The following WDR41 variants were observed in gnomAD, a reference collection of about 807,000 sequenced individuals.
WDR41 encodes the protein WD repeat domain 41, also known as WD repeat-containing protein 41.
WDR41 carries 63 observed loss-of-function variants against 69.3 expected under a neutral mutation model. That is an observed-to-expected ratio of 0.91 (90% CI 0.74 to 1.12). The LOEUF (loss-of-function observed/expected upper bound fraction) is 1.12. Among genes scored for constraint, WDR41 ranks in the 50% most tolerant of loss-of-function variants. The pLI is 0.00. For missense variants in WDR41, 543 were observed against 534.5 expected, an observed-to-expected ratio of 1.02 and a Z score of -0.16; for synonymous variants, 185 against 192.1, an observed-to-expected ratio of 0.96 and a Z score of 0.31.
intron 4 of WDR41, among the ~76,000 whole-genome samples, chr5:77,460,112 G>T (rs1302319018): frequency 6.6e-6 from 1 of 152,204 alleles, no homozygotes; most frequent in Admixed American, 6.5e-5. Flanking sequence ...CCAGGCTGCT[G>T]CTGCCCAGCA....
intron 1 of WDR41, among the ~76,000 whole-genome samples, chr5:77,531,220 C>T (rs1802525065): frequency 1.3e-5 from 2 of 151,836 alleles, no homozygotes; most frequent in African/African-American, 4.8e-5. Context: ...AAAAAGACAA[C>T]ATACAGAATG....
intron 2 of WDR41, among the ~76,000 whole-genome samples, chr5:77,475,314 C>T (rs1800856008): frequency 6.6e-6 from 1 of 152,238 alleles, no homozygotes; most frequent in African/African-American, 2.4e-5. Flanking sequence ...TGGAGCCCAC[C>T]ACAGCTCAAG....
intron 1 of WDR41, among the ~76,000 whole-genome samples, chr5:77,513,039 T>C (rs1320496315): frequency 6.6e-6 from 1 of 152,160 alleles, no homozygotes; most frequent in Admixed American, 6.5e-5. Context: ...TAATTTAAAT[T>C]ATTATGATTT....
At chr5:77,439,287 C>T (rs1008972241) in intron 9 of WDR41, among the ~76,000 whole-genome samples, 6 of 152,216 alleles carry the variant, frequency 3.9e-5, no homozygotes, top group African/African-American at 1.4e-4. Flanking sequence ...ACCTTTCTCA[C>T]ACAGCCTCCA....
At position 77,550,545 on chromosome 5, in the gene WDR41, A is replaced by C. The variant is rs1194890782; in HGVS notation, c.43-60973T>G. ...AATCCATGATGAGATACCATCTGACACTAGTCAAAATGGCTATTGTTAAAA... is the reference window on the plus strand; with the variant it reads ...AATCCATGATGAGATACCATCTGACCCTAGTCAAAATGGCTATTGTTAAAA... On this transcript the variant is annotated intron_variant, in intron 1 of 5. Transcript: ENST00000509971. Among the ~76,000 whole-genome samples the C allele has an allele frequency of 2.6e-5, 4 of 152,228 alleles. No homozygotes were observed. In the South Asian group the frequency reaches 8.3e-4, roughly 31 times the overall value.
chr5:77,464,283 T>TC (rs1800197236), intron 3 of WDR41, among the ~76,000 whole-genome samples: 1 of 143,776 alleles, frequency 7.0e-6, no homozygotes, highest in South Asian at 2.3e-4. Context: ...ACTTTTTTTT[T>TC]TTTTTTTTTT....
At chr5:77,613,045 T>C (rs1473618317) in intron 1 of WDR41, among the ~76,000 whole-genome samples, 3 of 149,904 alleles carry the variant, frequency 2.0e-5, no homozygotes, top group African/African-American at 4.9e-5. Context: ...CCATTCACAA[T>C]TGCTTCAAAG....
intron 1 of WDR41, among the ~76,000 whole-genome samples, chr5:77,568,024 A>T (rs1281738264): frequency 6.6e-6 from 1 of 151,900 alleles, no homozygotes; most frequent in Non-Finnish European, 1.5e-5. Context: ...CCCCCAGCTG[A>T]GTTGAGTCTA....
At position 77,433,236 on chromosome 5, in the gene WDR41, G is replaced by A; in HGVS notation, c.1279C>T (p.Leu427Phe). 1 of 1,613,896 alleles carries A rather than the reference G, an allele frequency of 6.2e-7. No homozygotes were observed. The highest frequency in any genetic ancestry group is 8.5e-7 in the Non-Finnish European group (1 of 1,179,842). ...HGLVTCSADH[L>F]IILWKNGERE... ...TCTCCATTTTTCCACAAAATAATGA[G>A]ATGATCAGCGGAGCACGTCACTAGT... Residue 427 changes from leucine to phenylalanine, a missense_variant, in exon 13 of 13, where the codon CTC becomes TTC. Leu to Phe is a conservative substitution (Grantham distance 22, BLOSUM62 0). Transcript: ENST00000296679.
chr5:77,537,883 T>C (rs960608264), intron 1 of WDR41, among the ~76,000 whole-genome samples: 1 of 152,180 alleles, frequency 6.6e-6, no homozygotes, highest in Non-Finnish European at 1.5e-5. Context: ...TAAATGTGAC[T>C]GGAGTATAGA....
intron 1 of WDR41, among the ~76,000 whole-genome samples, chr5:77,618,968 A>G (rs1317905654): frequency 6.6e-6 from 1 of 152,186 alleles, no homozygotes; most frequent in Non-Finnish European, 1.5e-5. Context: ...TTGTGTGAAG[A>G]ATTTAACCAG....
At chr5:77,480,410 A>C (rs1357573735) in intron 2 of WDR41, among the ~76,000 whole-genome samples, 2 of 152,174 alleles carry the variant, frequency 1.3e-5, no homozygotes, top group Non-Finnish European at 2.9e-5. Context: ...AATAGCAAGG[A>C]CTTGGAACCA....
intron 1 of WDR41, 136 bp from the exon 2 acceptor site, chr5:77,489,708 G>A: frequency 2.3e-6 from 1 of 434,620 alleles, no homozygotes. Flanking sequence ...AAGGTATCAT[G>A]TTCTACTACT....
chr5:77,534,085 G>A (rs899264150), intron 1 of WDR41, among the ~76,000 whole-genome samples: 7 of 151,978 alleles, frequency 4.6e-5, no homozygotes, highest in Middle Eastern at 3.2e-3. Context: ...AATGTTCACC[G>A]CTGCAGCTGA....
chr5:77,565,392 T>A (rs555088029), intron 1 of WDR41, among the ~76,000 whole-genome samples: 2 of 152,252 alleles, frequency 1.3e-5, no homozygotes, highest in Admixed American at 6.5e-5. Context: ...CTTTTTCAGA[T>A]CTAATTTTTA....
chr5:77,450,819 C>T (rs1183124118), intron 7 of WDR41, among the ~76,000 whole-genome samples: 1 of 152,200 alleles, frequency 6.6e-6, no homozygotes, highest in Non-Finnish European at 1.5e-5. Flanking sequence ...TCACATTTCT[C>T]TCTAGAAGAT....
intron 12 of WDR41, among the ~76,000 whole-genome samples, chr5:77,435,369 C>T (rs1798897466): frequency 1.3e-5 from 2 of 152,136 alleles, no homozygotes. Flanking sequence ...CAAATGCAGC[C>T]TAGGGTAACA....
At chr5:77,583,242 C>A in intron 1 of WDR41, 1 of 644,812 alleles carries the variant, frequency 1.6e-6, no homozygotes, top group Non-Finnish European at 2.6e-6. Flanking sequence ...TACCCACAGG[C>A]CAGGCGCCGT....
intron 1 of WDR41, among the ~76,000 whole-genome samples, chr5:77,588,802 A>T (rs1373131233): frequency 6.6e-6 from 1 of 152,198 alleles, no homozygotes; most frequent in Non-Finnish European, 1.5e-5. Context: ...TTTAAAAAAA[A>T]TCTTTAATAT....
Sources: allele counts gnomAD v4.1 joint callset (sites outside exome capture counted in the v4.1 genomes callset), GRCh38; gene constraint gnomAD v4.1.1; transcripts MANE v1.5; gene names NCBI Gene and HGNC (gene_info 2026-07-23, HGNC 2026-07-21).